The following NELL2 variants were observed in gnomAD, a reference collection of about 807,000 sequenced individuals.
The protein encoded by NELL2 is neural EGFL like 2, also known as protein kinase C-binding protein NELL2.
A neutral mutation model predicts 109.6 loss-of-function variants in NELL2; 41 were observed. The ratio of observed to expected loss-of-function variants is 0.37; its 90% confidence interval spans 0.29 to 0.49. NELL2 has a LOEUF of 0.49. Among genes scored for constraint, NELL2 ranks in the 20% least tolerant of loss-of-function variants. The pLI is 0.98. For synonymous variants in NELL2, 355 were observed against 344.7 expected, an observed-to-expected ratio of 1.03 and a Z score of -0.33; for missense variants, 900 against 1,008.3, an observed-to-expected ratio of 0.89 and a Z score of 1.45.
chr12:44,892,646 A>T (rs1303570190), intron 1 of NELL2, among the ~76,000 whole-genome samples: 1 of 151,538 alleles, frequency 6.6e-6, no homozygotes, highest in Admixed American at 6.6e-5. Context: ...AAATACAAAA[A>T]CATTAGCCAG....
chr12:44,569,955 GTTC>G (rs995381914), intron 15 of NELL2, among the ~76,000 whole-genome samples: 4 of 150,230 alleles, frequency 2.7e-5, no homozygotes, highest in African/African-American at 1.0e-4. Flanking sequence ...CAGCAGATAA[GTTC>G]TTCTCTATAA....
At chr12:44,575,709 T>C (rs925008524) in intron 15 of NELL2, among the ~76,000 whole-genome samples, 1 of 152,228 alleles carries the variant, frequency 6.6e-6, no homozygotes, top group Non-Finnish European at 1.5e-5. Context: ...GCTATACAGC[T>C]ACAGTTCAAT....
intron 13 of NELL2, among the ~76,000 whole-genome samples, chr12:44,635,157 A>C (rs1946590190): frequency 6.6e-6 from 1 of 152,122 alleles, no homozygotes; most frequent in African/African-American, 2.4e-5. Context: ...AATTTGTTTA[A>C]GTTCCTAGTA....
At chr12:44,751,422 A>G (rs1298161505) in intron 9 of NELL2, among the ~76,000 whole-genome samples, 1 of 152,166 alleles carries the variant, frequency 6.6e-6, no homozygotes, top group Non-Finnish European at 1.5e-5. Context: ...TGGAAATTTG[A>G]ATCATAGTTT....
intron 9 of NELL2, among the ~76,000 whole-genome samples, chr12:44,728,934 G>A (rs1415303135): frequency 1.3e-5 from 2 of 151,834 alleles, no homozygotes; most frequent in East Asian, 3.8e-4. Context: ...AACAAAAGCT[G>A]ATGAAGTTTA....
At chr12:44,707,642 C>T (rs936140487) in intron 11 of NELL2, among the ~76,000 whole-genome samples, 2 of 151,988 alleles carry the variant, frequency 1.3e-5, no homozygotes, top group Non-Finnish European at 1.5e-5. Context: ...AACTCATGTA[C>T]GTGGATGAAC....
At chr12:44,762,008 C>A (rs1941147684) in intron 9 of NELL2, among the ~76,000 whole-genome samples, 1 of 152,116 alleles carries the variant, frequency 6.6e-6, no homozygotes, top group African/African-American at 2.4e-5. Context: ...CAAACCTGTA[C>A]ATGTGCCCCC....
intron 1 of NELL2, among the ~76,000 whole-genome samples, chr12:44,888,161 T>C (rs1945495326): frequency 6.6e-6 from 1 of 152,058 alleles, no homozygotes; most frequent in Admixed American, 6.5e-5. Context: ...TGTGAATCTA[T>C]ATCTGGGTCC....
At chr12:44,727,044 T>A in intron 9 of NELL2, among the ~76,000 whole-genome samples, 1 of 152,106 alleles carries the variant, frequency 6.6e-6, no homozygotes, top group African/African-American at 2.4e-5. Flanking sequence ...GAGCAGTAGA[T>A]CTAGAGTGAG....
At chr12:44,668,882 T>C (rs1366532422) in intron 12 of NELL2, among the ~76,000 whole-genome samples, 1 of 151,920 alleles carries the variant, frequency 6.6e-6, no homozygotes, top group African/African-American at 2.4e-5. Flanking sequence ...ACCCACTCAG[T>C]TGGCCCACCA....
intron 1 of NELL2, among the ~76,000 whole-genome samples, chr12:44,882,879 C>T (rs1004200004): frequency 1.5e-5 from 2 of 130,432 alleles, no homozygotes; most frequent in African/African-American, 5.8e-5. Flanking sequence ...CTCCTTCTGT[C>T]ACCCAGACTG....
intron 13 of NELL2, among the ~76,000 whole-genome samples, chr12:44,637,812 A>T (rs1415137907): frequency 6.6e-6 from 1 of 151,882 alleles, no homozygotes; most frequent in African/African-American, 2.4e-5. Flanking sequence ...ATGCATCTTA[A>T]TGAGAAAAAA....
intron 1 of NELL2, among the ~76,000 whole-genome samples, chr12:44,882,699 T>C (rs866955973): frequency 4.0e-5 from 6 of 151,660 alleles, no homozygotes; most frequent in Admixed American, 1.3e-4. Context: ...GGCTAAGTTT[T>C]GTATTTTTAG....
intron 9 of NELL2, among the ~76,000 whole-genome samples, chr12:44,762,826 C>G (rs1941181121): frequency 6.6e-6 from 1 of 152,202 alleles, no homozygotes. Context: ...GGTGCTTTAT[C>G]AACACCTTAA....
At chr12:44,796,302 G>A (rs1942618714) in intron 3 of NELL2, among the ~76,000 whole-genome samples, 1 of 151,990 alleles carries the variant, frequency 6.6e-6, no homozygotes, top group Admixed American at 6.6e-5. Context: ...GAATTTCATG[G>A]ACAGAAAGTG....
Position 44,675,689 on chromosome 12 carries a change from A to G in NELL2, c.1319-10080T>C, listed in dbSNP as rs78992416. Among the ~76,000 whole-genome samples, 601 of 152,260 alleles carry G rather than the reference A, an allele frequency of 3.9e-3. 3 individuals carry two copies. The highest frequency in any genetic ancestry group is 0.014 in the African/African-American group (583 of 41,564). ...GAAACAAATTAAAGAGGAGGCAGGT[A>G]TGGGATCACAAAGCTTTTGTGAGCC... On this transcript the variant is annotated intron_variant, in intron 12 of 19. Transcript: ENST00000429094.
intron 1 of NELL2, chr12:44,913,786 A>C: frequency 1.2e-6 from 1 of 835,888 alleles, no homozygotes; most frequent in Non-Finnish European, 1.8e-6. Flanking sequence ...TAAAATGATA[A>C]GAAAGAACTC....
chr12:44,735,444 A>T (rs2136483156), intron 9 of NELL2, among the ~76,000 whole-genome samples: 1 of 151,982 alleles, frequency 6.6e-6, no homozygotes, highest in East Asian at 1.9e-4. Context: ...AAACCAAGAT[A>T]ACTGCTGCCT....
intron 9 of NELL2, among the ~76,000 whole-genome samples, chr12:44,747,287 CG>C (rs1250710153): frequency 6.9e-6 from 1 of 145,916 alleles, no homozygotes; most frequent in Admixed American, 6.8e-5. Context: ...CATCACACAC[CG>C]GGGACTGTTG....
Sources: allele counts gnomAD v4.1 joint callset (sites outside exome capture counted in the v4.1 genomes callset), GRCh38; gene constraint gnomAD v4.1.1; transcripts MANE v1.5; gene names NCBI Gene and HGNC (gene_info 2026-07-23, HGNC 2026-07-21).